ZRANB3: variants seen among roughly 807,000 people sequenced by gnomAD.
ZRANB3 encodes DNA annealing helicase and endonuclease ZRANB3.
A neutral mutation model predicts 133.8 loss-of-function variants in ZRANB3; 125 were observed. The observed-to-expected ratio is 0.93, with a 90% CI of 0.81 to 1.08. ZRANB3 has a LOEUF of 1.08. Ranked by LOEUF, ZRANB3 falls within the 50% of genes least tolerant of loss-of-function variation. ZRANB3 has a pLI of 0.00. For missense variants in ZRANB3, 1,229 were observed against 1,275.5 expected, an observed-to-expected ratio of 0.96 and a Z score of 0.56; for synonymous variants, 387 against 432.7, an observed-to-expected ratio of 0.89 and a Z score of 1.31.
intron 2 of ZRANB3, among the ~76,000 whole-genome samples, chr2:135,443,750 A>T (rs2118395): frequency 0.1 from 15,833 of 152,144 alleles, 1,088 homozygotes; most frequent in South Asian, 0.32. Flanking sequence ...CATGAAGGAT[A>T]AGGAAAGATT....
At chr2:135,266,858 T>C (rs1680273199) in intron 11 of ZRANB3, among the ~76,000 whole-genome samples, 1 of 152,172 alleles carries the variant, frequency 6.6e-6, no homozygotes, top group South Asian at 2.1e-4. Context: ...AAGAAGAACC[T>C]TGGTCTCCAC....
chr2:135,329,653 A>G lies in ZRANB3; in HGVS notation c.678-14123T>C, dbSNP rs1684034974. Reference sequence around the variant, plus strand: ...GAATCTATAAACTACCTTGGGCAGTATGGCCATTTTCATGATATTGATTCT... The same window carrying G: ...GAATCTATAAACTACCTTGGGCAGTGTGGCCATTTTCATGATATTGATTCT... On this transcript the variant is annotated intron_variant, in intron 6 of 20. Coordinates refer to ENST00000264159, the MANE Select transcript of ZRANB3 (RefSeq NM_032143.4). Among the ~76,000 whole-genome samples, 4 of 152,322 alleles carry G rather than the reference A, an allele frequency of 2.6e-5. No individual in the cohort carries two copies. In the South Asian group the frequency reaches 8.3e-4, roughly 32 times the overall value.
chr2:135,271,811 G>A lies in ZRANB3; in HGVS notation c.1163C>T (p.Pro388Leu). ...IHLVNQFQKD[P>L]DTRVAILSIQ... ...GCTTAGGATAGCCACGCGAGTGTCA[G>A]GATCCTTTTGAAACTGATTAACCAG... Residue 388 changes from proline (P) to leucine (L), a missense_variant, in exon 10 of 21, where the codon CCT (proline) becomes CTT (leucine). Pro to Leu is a moderately conservative substitution (Grantham distance 98). Transcript: ENST00000264159. 1 of 1,613,412 alleles carries A rather than the reference G, an allele frequency of 6.2e-7. No individual in the cohort carries two copies. The highest frequency in any genetic ancestry group is 8.5e-7 in the Non-Finnish European group (1 of 1,179,830).
At position 135,360,707 on chromosome 2, in the gene ZRANB3, AAAAAT is replaced by A. The variant is rs1300966140; in HGVS notation, c.181-7084_181-7080del. On this transcript the variant is annotated intron_variant, in intron 3 of 20. Transcript: ENST00000264159. ...GTGACACAGTGAGACTCCGTCTCAA[AAAAAT>A]AAAATAAAATAAAATAAAAAATAAA... 2.6e-5 allele frequency among the ~76,000 whole-genome samples: 4 copies of A among 152,194 alleles called. 1 individual carries two copies. The highest frequency in any genetic ancestry group is 4.4e-5 in the Non-Finnish European group (3 of 68,036).
Position 135,440,925 on chromosome 2 carries a change from G to A in ZRANB3, c.162-50105C>T, listed in dbSNP as rs1018968443. Among the ~76,000 whole-genome samples the A allele has an allele frequency of 5.3e-5, 8 of 152,128 alleles. No homozygotes were observed. The East Asian group carries it at 1.5e-3, about 29-fold the overall frequency. Reference sequence around the variant, plus strand: ...TAGAGCAATAGAAATTATCCAATCTGAGGTACACAGAGAATAAAAGGTTTA... The same window carrying A: ...TAGAGCAATAGAAATTATCCAATCTAAGGTACACAGAGAATAAAAGGTTTA... On this transcript the variant is annotated intron_variant, in intron 2 of 20. Transcript: ENST00000264159.
In ZRANB3 at chr2:135,224,289, C is replaced by A. The variant is rs574093996; in HGVS notation, c.2250+137G>T. The A allele has an allele frequency of 1.2e-5, 8 of 682,268 alleles. No homozygotes were observed. In the African/African-American group the frequency reaches 1.3e-4, roughly 11 times the overall value. 42.3% of individuals were successfully genotyped at this position (682,268 alleles called of 1,614,324 possible). The stretch of plus-strand genomic sequence containing the variant: ...CCTCTCATTGTCTGTAGATTTAACA[C>A]AGAAATTTGAGAATTAGCTTTGAGG... On this transcript the variant is annotated intron_variant, in intron 15 of 20. Transcript: ENST00000264159.
chr2:135,305,717 A>AT (rs1682656046), intron 8 of ZRANB3, among the ~76,000 whole-genome samples: 1 of 151,900 alleles, frequency 6.6e-6, no homozygotes, highest in Non-Finnish European at 1.5e-5. Flanking sequence ...AGATACAATT[A>AT]TTTTTTTCCA....
Position 135,410,258 on chromosome 2 carries a change from A to C in ZRANB3, c.162-19438T>G, listed in dbSNP as rs181170462. ...CTATACAACAGGGCTACAGTAACCA[A>C]AACAGCATGATATTGGTACAAAAAG... is the stretch of plus-strand genomic sequence containing the variant. On this transcript the variant is annotated intron_variant, in intron 2 of 20. Coordinates refer to ENST00000264159, the MANE Select transcript of ZRANB3 (RefSeq NM_032143.4). 5.3e-5 allele frequency among the ~76,000 whole-genome samples: 8 copies of C among 152,358 alleles called. No homozygotes were observed. In the East Asian group the frequency reaches 1.3e-3, roughly 26 times the overall value.
At chr2:135,344,202 G>A (rs1684820418) in intron 6 of ZRANB3, among the ~76,000 whole-genome samples, 1 of 152,156 alleles carries the variant, frequency 6.6e-6, no homozygotes, top group African/African-American at 2.4e-5. Context: ...TGAAGAAACT[G>A]AGGTATGAGG....
At chr2:135,245,124 G>A (rs1163008485) in intron 12 of ZRANB3, among the ~76,000 whole-genome samples, 2 of 152,228 alleles carry the variant, frequency 1.3e-5, no homozygotes, top group Admixed American at 1.3e-4. Context: ...CTAATGTTAT[G>A]ATGGCTAAAC....
At chr2:135,480,370 T>C (rs1691722329) in intron 2 of ZRANB3, among the ~76,000 whole-genome samples, 1 of 152,148 alleles carries the variant, frequency 6.6e-6, no homozygotes, top group Non-Finnish European at 1.5e-5. Context: ...GAAGAAAATG[T>C]TTGTTCACTG....
At chr2:135,418,925 C>CTCTTTTTTTTTTTT (rs60788576) in intron 2 of ZRANB3, among the ~76,000 whole-genome samples, 5 of 85,882 alleles carry the variant, frequency 5.8e-5, no homozygotes, top group African/African-American at 1.8e-4. Context: ...AGGATTCTCT[C>CTCTTTTTTTTTTTT]TTTTTTTTTT....
chr2:135,455,640 G>A (rs1400270229), intron 2 of ZRANB3, among the ~76,000 whole-genome samples: 3 of 140,300 alleles, frequency 2.1e-5, no homozygotes, highest in Admixed American at 7.6e-5. Context: ...CCCCTAGGCC[G>A]GAGTGCAGTG....
Position 135,418,923 on chromosome 2 carries a change from C to CTTT in ZRANB3, c.162-28104_162-28103insAAA, listed in dbSNP as rs1558986938. On this transcript the variant is annotated intron_variant, in intron 2 of 20. Coordinates refer to ENST00000264159, the MANE Select transcript of ZRANB3 (RefSeq NM_032143.4). ...CAAAGTAATGAAAAATAAGGATTCT[C>CTTT]TCTTTTTTTTTTTTTTTTTTTTTTT... Among the ~76,000 whole-genome samples, 10 of 114,336 alleles carry CTTT rather than the reference C, an allele frequency of 8.7e-5. No individual in the cohort carries two copies. In the East Asian group the frequency reaches 2.4e-3, roughly 27 times the overall value. The allele number at this position is 114,336 out of a possible 152,430, so 75.0% of individuals were successfully genotyped here. A position where few individuals can be genotyped will look rare whatever the true frequency, so the allele number is the denominator to read the frequency against.
At chr2:135,289,534 GT>G (rs1223549870) in intron 8 of ZRANB3, among the ~76,000 whole-genome samples, 1 of 152,202 alleles carries the variant, frequency 6.6e-6, no homozygotes, top group Non-Finnish European at 1.5e-5. Flanking sequence ...GATTACTGGC[GT>G]GAGCCACTGT....
At chr2:135,256,357 C>A (rs1679652852) in intron 12 of ZRANB3, among the ~76,000 whole-genome samples, 1 of 152,086 alleles carries the variant, frequency 6.6e-6, no homozygotes, top group Non-Finnish European at 1.5e-5. Flanking sequence ...GAGACAGAGT[C>A]TCACTCTGTT....
intron 17 of ZRANB3, among the ~76,000 whole-genome samples, chr2:135,209,888 T>C (rs1005538425): frequency 6.6e-6 from 1 of 152,212 alleles, no homozygotes; most frequent in South Asian, 2.1e-4. Context: ...CTTTATGTTA[T>C]TAGGATAGAT....
At chr2:135,270,507 C>T (rs1418463954) in intron 10 of ZRANB3, among the ~76,000 whole-genome samples, 1 of 152,156 alleles carries the variant, frequency 6.6e-6, no homozygotes, top group Non-Finnish European at 1.5e-5. Flanking sequence ...AGGTCCTAGA[C>T]TCTCCTGTCT....
At chr2:135,388,623 G>A (rs1301413392) in intron 3 of ZRANB3, among the ~76,000 whole-genome samples, 1 of 152,060 alleles carries the variant, frequency 6.6e-6, no homozygotes, top group Non-Finnish European at 1.5e-5. Flanking sequence ...TTCTATACAT[G>A]TATATATATA....
Sources: gnomAD v4.1 joint callset for allele counts (sites outside exome capture counted in the v4.1 genomes callset) on GRCh38, gnomAD v4.1.1 for gene constraint, MANE v1.5 for transcripts, NCBI Gene and HGNC (gene_info 2026-07-23, HGNC 2026-07-21) for gene names.